Variants in PSMA3 observed in about 807,000 individuals in gnomAD.
PSMA3 encodes the protein proteasome subunit alpha type-3.
A neutral mutation model predicts 40.0 loss-of-function variants in PSMA3; 8 were observed. That is an observed-to-expected ratio of 0.20 (90% CI 0.12 to 0.36). The LOEUF is 0.36. PSMA3 is among the 10% of genes least tolerant of loss of function. The pLI, the probability that PSMA3 is intolerant of heterozygous loss-of-function variation, is 1.00. For missense variants in PSMA3, 219 were observed against 310.6 expected (o/e 0.70, Z 2.22); for synonymous variants, 110 against 100.0 (o/e 1.10, Z -0.59).
intron 5 of PSMA3, among the ~76,000 whole-genome samples, chr14:58,259,416 G>A (rs1890219903): frequency 6.6e-6 from 1 of 152,138 alleles, no homozygotes; most frequent in Non-Finnish European, 1.5e-5. Flanking sequence ...CCGGGTTCAA[G>A]CTATTCTCCT....
chr14:58,269,874 T>A (rs748991755), intron 8 of PSMA3: 12 of 149,998 alleles, frequency 8.0e-5, no homozygotes, highest in Non-Finnish European at 1.5e-4. Flanking sequence ...TGAGATGGAG[T>A]CTCGCTCTAC....
intron 5 of PSMA3, 199 bp downstream of exon 5, chr14:58,258,197 G>A: frequency 2.0e-6 from 1 of 496,710 alleles, no homozygotes; most frequent in East Asian, 3.0e-5. Context: ...CAGTACTTTG[G>A]GAGGTTGAGG....
At chr14:58,247,687 G>T in intron 1 of PSMA3, 63 bp from the exon 2 acceptor site, 1 of 1,123,056 alleles carries the variant, frequency 8.9e-7, no homozygotes, top group Non-Finnish European at 1.3e-6. Context: ...ATTTAGAGGG[G>T]AAGAAACTGT....
At chr14:58,266,542 C>T (rs1346477425) in intron 7 of PSMA3, 2 of 152,200 alleles carry the variant, frequency 1.3e-5, no homozygotes, top group Non-Finnish European at 2.9e-5. Flanking sequence ...GACTCCTCAG[C>T]TAGGCCCTAG....
At chr14:58,268,106 G>A (rs1890499640) in intron 8 of PSMA3, 4 of 152,074 alleles carry the variant, frequency 2.6e-5, no homozygotes, top group Non-Finnish European at 1.5e-5. Context: ...ACAGGTATTT[G>A]GACAGTAAAC....
At chr14:58,257,879 AC>A in intron 4 of PSMA3, 33 bp downstream of exon 4, 1 of 1,612,244 alleles carries the variant, frequency 6.2e-7, no homozygotes, top group Non-Finnish European at 8.5e-7. Context: ...AACCTTTTGG[AC>A]AGTAATAGAA....
At chr14:58,259,165 C>T (rs1414561891) in intron 5 of PSMA3, among the ~76,000 whole-genome samples, 1 of 152,160 alleles carries the variant, frequency 6.6e-6, no homozygotes, top group African/African-American at 2.4e-5. Flanking sequence ...CATTCTTAAG[C>T]TTCTCAGTTA....
intron 8 of PSMA3, 72 bp from the exon 9 acceptor site, chr14:58,270,346 T>C (rs540458547): frequency 4.8e-5 from 76 of 1,578,492 alleles, no homozygotes; most frequent in Non-Finnish European, 5.9e-5. Flanking sequence ...TAATTTGTAC[T>C]GACTTTGGGT....
intron 3 of PSMA3, among the ~76,000 whole-genome samples, chr14:58,253,925 T>G (rs1376862881): frequency 6.6e-6 from 1 of 152,216 alleles, no homozygotes; most frequent in Non-Finnish European, 1.5e-5. Flanking sequence ...GGATGAATAG[T>G]ATTCCATTGT....
chr14:58,271,119 A>T, intron 10 of PSMA3, 121 bp downstream of exon 10: 2 of 552,518 alleles, frequency 3.6e-6, no homozygotes, highest in Non-Finnish European at 6.0e-6. Flanking sequence ...AAAAAAAAAA[A>T]ATTCTCTAAC....
At chr14:58,263,665 T>C (rs1430160912) in intron 6 of PSMA3, 40 bp from the exon 7 acceptor site, 1 of 1,455,386 alleles carries the variant, frequency 6.9e-7, no homozygotes, top group South Asian at 1.2e-5. Context: ...CATATGATAG[T>C]GTACTAATTC....
chr14:58,252,345 T>G (rs554431098), intron 3 of PSMA3, 103 bp downstream of exon 3: 1 of 1,396,754 alleles, frequency 7.2e-7, no homozygotes, highest in South Asian at 1.4e-5. Flanking sequence ...TCAGAGCAAG[T>G]TACTGCATTT....
In PSMA3 at chr14:58,251,110, G is replaced by T. The variant is rs373417032; in HGVS notation, c.105-1009G>T. On this transcript the variant is annotated intron_variant, in intron 2 of 10. Coordinates refer to ENST00000216455, the MANE Select transcript of PSMA3 (RefSeq NM_002788.4). The stretch of plus-strand genomic sequence containing the variant: ...TCCATTTCTTTAAAATTAAAAAAAA[G>T]AAGAAAGAGAAAGTTGAGATAATTT... Among the ~76,000 whole-genome samples the T allele has an allele frequency of 1.3e-4, 19 of 151,964 alleles. No individual in the cohort carries two copies. In the East Asian group the frequency reaches 3.3e-3, roughly 26 times the overall value.
chr14:58,266,487 TAAC>T (rs1208879481), intron 7 of PSMA3: 1 of 152,200 alleles, frequency 6.6e-6, no homozygotes, highest in Non-Finnish European at 1.5e-5. Flanking sequence ...CCACGTCTAA[TAAC>T]AAAATCTTGG....
Position 58,257,838 on chromosome 14 carries a change from C to A in PSMA3, c.322C>A (p.Pro108Thr), listed in dbSNP as rs754484825. The change falls in exon 4 of 11, where the codon CCA becomes ACA. Residue 108 changes from proline to threonine, a missense_variant. Coordinates refer to ENST00000216455, the MANE Select transcript of PSMA3 (RefSeq NM_002788.4). Reference protein sequence around the residue: ...NFRSNFGYNIPLKHLADRVAM... With the variant: ...NFRSNFGYNITLKHLADRVAM... Reference sequence around the variant, plus strand: ...CAGATCTAACTTTGGCTACAACATTCCACTAAAAGTAAGTTGATAACATAT... The same window carrying A: ...CAGATCTAACTTTGGCTACAACATTACACTAAAAGTAAGTTGATAACATAT... 1 of 1,612,938 alleles carries A rather than the reference C, an allele frequency of 6.2e-7. No homozygotes were observed. Among genetic ancestry groups the A allele is most frequent in the Non-Finnish European group, 8.5e-7 (1 of 1,179,154 alleles).
chr14:58,253,594 GATTTT>G (rs1407162748), intron 3 of PSMA3, among the ~76,000 whole-genome samples: 2 of 151,966 alleles, frequency 1.3e-5, no homozygotes, highest in African/African-American at 2.4e-5. Context: ...CAAATGACAG[GATTTT>G]ATTTTATTTT....
At chr14:58,271,629 A>T (rs1460094393) in intron 10 of PSMA3, among the ~76,000 whole-genome samples, 1 of 152,136 alleles carries the variant, frequency 6.6e-6, no homozygotes, top group Non-Finnish European at 1.5e-5. Flanking sequence ...ACACTGCACC[A>T]GGCCTCTTAA....
At chr14:58,247,699 T>C in intron 1 of PSMA3, 51 bp from the exon 2 acceptor site, 1 of 1,236,204 alleles carries the variant, frequency 8.1e-7, no homozygotes. Context: ...AGAAACTGTA[T>C]GGTCATTACT....
At chr14:58,250,480 G>GTCAA (rs199931566) in intron 2 of PSMA3, among the ~76,000 whole-genome samples, 2,077 of 152,244 alleles carry the variant, frequency 0.014, 40 homozygotes, top group African/African-American at 0.047. Context: ...GTTTTTGAAG[G>GTCAA]TTGACAGTGA....
Sources: allele counts gnomAD v4.1 joint callset (sites outside exome capture counted in the v4.1 genomes callset), GRCh38; gene constraint gnomAD v4.1.1; transcripts MANE v1.5; gene names NCBI Gene and HGNC (gene_info 2026-07-23, HGNC 2026-07-21).